Variants in ANO4 observed in about 807,000 individuals in gnomAD.
The protein encoded by ANO4 is anoctamin 4.
ANO4 carries 69 observed loss-of-function variants against 141.9 expected under a neutral mutation model. That is an observed-to-expected ratio of 0.49 (90% CI 0.40 to 0.59). The LOEUF (loss-of-function observed/expected upper bound fraction) is 0.59, where lower values mean the gene tolerates loss of function less well. Ranked by LOEUF, ANO4 falls within the 20% of genes least tolerant of loss-of-function variation. The pLI, the probability that ANO4 is intolerant of heterozygous loss-of-function variation, is 0.00. For synonymous variants in ANO4, 350 were observed against 394.3 expected, an observed-to-expected ratio of 0.89 and a Z score of 1.33; for missense variants, 894 against 1,162.2, an observed-to-expected ratio of 0.77 and a Z score of 3.36.
chr12:101,091,257 G>C (rs2049759590), intron 17 of ANO4, among the ~76,000 whole-genome samples: 3 of 152,080 alleles, frequency 2.0e-5, no homozygotes, highest in Admixed American at 2.0e-4. Flanking sequence ...AGCAAAGAGA[G>C]GGAAAGAAAA....
At chr12:100,752,997 C>T (rs940696927) in intron 3 of ANO4, among the ~76,000 whole-genome samples, 2 of 152,098 alleles carry the variant, frequency 1.3e-5, no homozygotes, top group African/African-American at 4.8e-5. Flanking sequence ...CTAGGTTGTC[C>T]TCAATGGGAG....
intron 3 of ANO4, among the ~76,000 whole-genome samples, chr12:100,779,296 T>C (rs1445554312): frequency 2.6e-5 from 4 of 152,172 alleles, no homozygotes; most frequent in Non-Finnish European, 5.9e-5. Flanking sequence ...CTCCCCTCTG[T>C]AGTAGATTGA....
chr12:100,948,244 T>TTGGGA (rs2042821617), intron 5 of ANO4, among the ~76,000 whole-genome samples: 1 of 144,174 alleles, frequency 6.9e-6, no homozygotes, highest in Non-Finnish European at 1.5e-5. Flanking sequence ...ACAAGGAAAA[T>TTGGGA]TGGGATGAAT....
chr12:100,998,945 G>A (rs7975806), intron 8 of ANO4, among the ~76,000 whole-genome samples: 34,278 of 152,138 alleles, frequency 0.23, 4,619 homozygotes, highest in African/African-American at 0.37. Flanking sequence ...GTAAGGTATC[G>A]TCATTATCCC....
intron 7 of ANO4, among the ~76,000 whole-genome samples, chr12:100,980,682 C>G (rs965657610): frequency 6.6e-6 from 1 of 152,140 alleles, no homozygotes; most frequent in African/African-American, 2.4e-5. Flanking sequence ...AAATAAAGCA[C>G]TTCTTCATAA....
At chr12:100,971,582 T>A (rs1370029290) in intron 6 of ANO4, among the ~76,000 whole-genome samples, 176 bp downstream of exon 6, 1 of 152,208 alleles carries the variant, frequency 6.6e-6, no homozygotes, top group African/African-American at 2.4e-5. Context: ...ATTTCATGGC[T>A]TTTTGTGAAA....
At chr12:100,737,303 T>C (rs1025068170) in intron 2 of ANO4, among the ~76,000 whole-genome samples, 1 of 152,154 alleles carries the variant, frequency 6.6e-6, no homozygotes, top group African/African-American at 2.4e-5. Flanking sequence ...GTTTCAGGAA[T>C]TGCATTCAGA....
intron 8 of ANO4, among the ~76,000 whole-genome samples, chr12:100,997,540 A>G (rs1279797509): frequency 6.6e-6 from 1 of 151,898 alleles, no homozygotes; most frequent in Non-Finnish European, 1.5e-5. Flanking sequence ...AAAAATATAA[A>G]TGAATATTCT....
chr12:101,033,461 G>T (rs991950330), intron 9 of ANO4, among the ~76,000 whole-genome samples: 2 of 151,580 alleles, frequency 1.3e-5, no homozygotes, highest in Non-Finnish European at 2.9e-5. Flanking sequence ...AAAACTTAAA[G>T]TATAATAATA....
chr12:100,856,208 C>T (rs2038162777), intron 1 of ANO4, among the ~76,000 whole-genome samples: 1 of 152,106 alleles, frequency 6.6e-6, no homozygotes, highest in African/African-American at 2.4e-5. Context: ...TATAATCAGC[C>T]AGAATTTTCA....
At chr12:100,976,752 CG>C (rs1007461666) in intron 7 of ANO4, among the ~76,000 whole-genome samples, 3 of 151,998 alleles carry the variant, frequency 2.0e-5, no homozygotes, top group African/African-American at 4.8e-5. Context: ...GACTATGGGA[CG>C]GGAAAACAAA....
At chr12:101,036,252 A>C (rs1176957326) in intron 9 of ANO4, among the ~76,000 whole-genome samples, 3 of 152,164 alleles carry the variant, frequency 2.0e-5, no homozygotes, top group African/African-American at 7.2e-5. Context: ...GTTAGTAGGA[A>C]TGTAAATTGG....
At chr12:101,005,362 A>G (rs1001725141) in intron 8 of ANO4, among the ~76,000 whole-genome samples, 4 of 152,240 alleles carry the variant, frequency 2.6e-5, no homozygotes, top group Admixed American at 1.3e-4. Context: ...ACTAATCTCT[A>G]ATAAATTTGA....
chr12:100,874,032 C>A (rs551032303), intron 1 of ANO4, among the ~76,000 whole-genome samples: 3 of 152,330 alleles, frequency 2.0e-5, no homozygotes, highest in Admixed American at 2.0e-4. Flanking sequence ...AAGGTGCCAG[C>A]CATAAGCGTT....
chr12:100,775,283 C>G (rs1008372748), intron 3 of ANO4, among the ~76,000 whole-genome samples: 1 of 152,248 alleles, frequency 6.6e-6, no homozygotes, highest in East Asian at 1.9e-4. Context: ...CTTGAAAATA[C>G]GTTCGTTAAA....
At chr12:101,079,131 C>G in intron 14 of ANO4, 62 bp from the exon 15 acceptor site, 1 of 1,389,954 alleles carries the variant, frequency 7.2e-7, no homozygotes, top group Non-Finnish European at 1.0e-6. Context: ...TTCAGTGACA[C>G]AGTTAAGAGC....
intron 19 of ANO4, among the ~76,000 whole-genome samples, chr12:101,097,199 C>CAGGT (rs2050019652): frequency 6.7e-6 from 1 of 150,102 alleles, no homozygotes; most frequent in South Asian, 2.1e-4. Context: ...TGGGAAGGAC[C>CAGGT]AGGTATAGGG....
In ANO4 at chr12:100,998,137, G is replaced by A. The variant is rs151102430; in HGVS notation, c.734+10467G>A. Among the ~76,000 whole-genome samples the A allele has an allele frequency of 3.0e-3, 460 of 152,260 alleles. 2 individuals carry two copies. The highest frequency in any genetic ancestry group is 0.011 in the African/African-American group (440 of 41,544). On this transcript the variant is annotated intron_variant, in intron 8 of 27. Transcript: ENST00000392977. ...GAAGGCAGACCCACCCTTAATCTGG[G>A]TGGGCACCACCAAATCAGCTGACAG...
chr12:100,940,222 TA>T (rs531894774), intron 4 of ANO4, among the ~76,000 whole-genome samples: 8 of 149,094 alleles, frequency 5.4e-5, no homozygotes, highest in South Asian at 2.1e-4. Context: ...TTTGTTTCAT[TA>T]AAAAAAAACA....
Sources: gnomAD v4.1 joint callset for allele counts (sites outside exome capture counted in the v4.1 genomes callset) on GRCh38, gnomAD v4.1.1 for gene constraint, MANE v1.5 for transcripts, NCBI Gene and HGNC (gene_info 2026-07-23, HGNC 2026-07-21) for gene names.